Variants in WFDC11 observed in about 807,000 individuals in gnomAD.
WFDC11 encodes the protein protein WFDC11.
WFDC11 carries 9 observed loss-of-function variants against 9.9 expected under a neutral mutation model. That is an observed-to-expected ratio of 0.91 (90% CI 0.55 to 1.58). The LOEUF is 1.58. Ranked by LOEUF, WFDC11 falls within the 40% of genes most tolerant of loss-of-function variation. The pLI is 0.00. For synonymous variants in WFDC11, 32 were observed against 33.3 expected, an observed-to-expected ratio of 0.96 and a Z score of 0.13; for missense variants, 106 against 101.7, an observed-to-expected ratio of 1.04 and a Z score of -0.18.
At chr20:45,657,901 A>C (rs888988225) in intron 2 of WFDC11, among the ~76,000 whole-genome samples, 6 of 152,212 alleles carry the variant, frequency 3.9e-5, no homozygotes, top group African/African-American at 1.4e-4. Context: ...AAGCACATAG[A>C]ACATAGTGAA....
chr20:45,668,621 G>C (rs1344005918), intron 1 of WFDC11, among the ~76,000 whole-genome samples: 3 of 152,056 alleles, frequency 2.0e-5, no homozygotes, highest in Non-Finnish European at 4.4e-5. Flanking sequence ...TGTTAATCTT[G>C]TCAACCTATG....
In WFDC11 at chr20:45,650,573, G is replaced by C. The variant is rs201065798; in HGVS notation, c.28C>G (p.Pro10Ala). Residue 10 changes from proline to alanine, a missense_variant, in exon 3 of 5, where the codon CCC becomes GCC. Transcript: ENST00000324384. The stretch of plus-strand genomic sequence containing the variant: ...GTACAGAAGAATGTCATGAGCATGG[G>C]TATCCAGAGCTTCATGAGGCTGACC... MVSLMKLWI[P>A]MLMTFFCTVL... 6.2e-7 allele frequency: 1 copy of C among 1,614,108 alleles called. No individual in the cohort carries two copies. The highest frequency in any genetic ancestry group is 1.1e-5 in the South Asian group (1 of 91,072).
intron 4 of WFDC11, among the ~76,000 whole-genome samples, 157 bp downstream of exon 4, chr20:45,649,100 C>A (rs995934639): frequency 6.6e-6 from 1 of 152,008 alleles, no homozygotes; most frequent in African/African-American, 2.4e-5. Flanking sequence ...GATTTACTCG[C>A]CAGTGAATTG....
At chr20:45,660,593 G>A (rs1164427264) in intron 2 of WFDC11, among the ~76,000 whole-genome samples, 1 of 152,026 alleles carries the variant, frequency 6.6e-6, no homozygotes, top group Non-Finnish European at 1.5e-5. Flanking sequence ...AGTCCCCAGA[G>A]TGTGATGTTC....
At chr20:45,652,924 G>A (rs1219797857) in intron 2 of WFDC11, among the ~76,000 whole-genome samples, 1 of 152,154 alleles carries the variant, frequency 6.6e-6, no homozygotes, top group Admixed American at 6.5e-5. Context: ...AAGAAATATG[G>A]GACTATGTGA....
intron 2 of WFDC11, among the ~76,000 whole-genome samples, chr20:45,666,545 C>T (rs377658561): frequency 8.5e-5 from 13 of 152,316 alleles, no homozygotes; most frequent in African/African-American, 2.2e-4. Flanking sequence ...TGTTCCTATT[C>T]GGCCATCTTG....
At chr20:45,658,489 T>C (rs1203473831) in intron 2 of WFDC11, among the ~76,000 whole-genome samples, 3 of 152,180 alleles carry the variant, frequency 2.0e-5, no homozygotes, top group African/African-American at 7.2e-5. Context: ...TGTATGTGTG[T>C]AAAGGTGTTC....
At chr20:45,663,850 T>C (rs982145346) in intron 2 of WFDC11, among the ~76,000 whole-genome samples, 2 of 152,232 alleles carry the variant, frequency 1.3e-5, no homozygotes, top group Non-Finnish European at 2.9e-5. Flanking sequence ...CTTCCAATTA[T>C]GTGGTCAATT....
intron 2 of WFDC11, among the ~76,000 whole-genome samples, chr20:45,658,879 C>T (rs1018692190): frequency 2.6e-4 from 39 of 150,802 alleles, no homozygotes; most frequent in Non-Finnish European, 4.7e-4. Flanking sequence ...CCACATCCCC[C>T]GCCGACAGGC....
chr20:45,660,063 T>G (rs1983022558), intron 2 of WFDC11, among the ~76,000 whole-genome samples: 1 of 152,152 alleles, frequency 6.6e-6, no homozygotes, highest in South Asian at 2.1e-4. Flanking sequence ...CTGCTGGGTT[T>G]GGATTTGGTT....
chr20:45,650,604 T>A lies in WFDC11; in HGVS notation c.-4A>T. On this transcript the variant is annotated 5_prime_UTR_variant, in exon 3 of 5. Coordinates refer to ENST00000324384, the MANE Select transcript of WFDC11 (RefSeq NM_147197.2). ...AGAGCTTCATGAGGCTGACCATATG[T>A]GTCTGAATATGTGTTGTCAGAAGGA... 6.2e-7 allele frequency: 1 copy of A among 1,611,116 alleles called. No homozygotes were observed. The highest frequency in any genetic ancestry group is 8.5e-7 in the Non-Finnish European group (1 of 1,177,268).
chr20:45,661,783 G>C (rs569094501), intron 2 of WFDC11, among the ~76,000 whole-genome samples: 1 of 151,476 alleles, frequency 6.6e-6, no homozygotes, highest in East Asian at 1.9e-4. Flanking sequence ...CTATATCTCC[G>C]TTTTGGTACC....
rs773472642 is a variant in WFDC11 at position 45,648,690 on chromosome 20, A to T, written c.*29T>A. The T allele has an allele frequency of 6.2e-7, 1 of 1,613,528 alleles. No individual in the cohort carries two copies. Among genetic ancestry groups the T allele is most frequent in the East Asian group, 2.2e-5 (1 of 44,902 alleles). On this transcript the variant is annotated 3_prime_UTR_variant, in exon 5 of 5. Coordinates refer to ENST00000324384, the MANE Select transcript of WFDC11 (RefSeq NM_147197.2). ...CTCTTAAACATTTCCCAGCCCACAC[A>T]GGTGGCAGCCTGGTGGGAAGCTACG... is the stretch of plus-strand genomic sequence containing the variant.
chr20:45,661,383 T>C (rs1299085394), intron 2 of WFDC11, among the ~76,000 whole-genome samples: 1 of 151,168 alleles, frequency 6.6e-6, no homozygotes, highest in Non-Finnish European at 1.5e-5. Flanking sequence ...TTCACTCTGA[T>C]GGTAGTTTCT....
intron 2 of WFDC11, among the ~76,000 whole-genome samples, chr20:45,654,562 G>A (rs1982880258): frequency 6.6e-6 from 1 of 151,886 alleles, no homozygotes; most frequent in South Asian, 2.1e-4. Context: ...GCTAGCAGAA[G>A]GCAAGAAATA....
chr20:45,667,638 C>A (rs1352133435), intron 1 of WFDC11, among the ~76,000 whole-genome samples: 3 of 152,162 alleles, frequency 2.0e-5, no homozygotes, highest in Admixed American at 2.0e-4. Context: ...TATCACATAA[C>A]ATGTAGATTT....
intron 2 of WFDC11, among the ~76,000 whole-genome samples, chr20:45,664,202 G>T (rs1454938693): frequency 6.6e-6 from 1 of 152,020 alleles, no homozygotes; most frequent in Non-Finnish European, 1.5e-5. Flanking sequence ...TTTGATCTTT[G>T]TTGGTTTAAA....
intron 2 of WFDC11, among the ~76,000 whole-genome samples, chr20:45,664,404 G>T (rs1408102763): frequency 2.0e-5 from 3 of 152,234 alleles, no homozygotes; most frequent in East Asian, 3.9e-4. Flanking sequence ...TTTAATTGGG[G>T]CATTTAGCCC....
intron 2 of WFDC11, among the ~76,000 whole-genome samples, chr20:45,665,254 T>C (rs1388271566): frequency 6.6e-6 from 1 of 152,256 alleles, no homozygotes; most frequent in African/African-American, 2.4e-5. Flanking sequence ...TGCCATGGTT[T>C]TCAGCTCCAT....
Sources: allele counts gnomAD v4.1 joint callset (sites outside exome capture counted in the v4.1 genomes callset), GRCh38; gene constraint gnomAD v4.1.1; transcripts MANE v1.5; gene names NCBI Gene and HGNC (gene_info 2026-07-23, HGNC 2026-07-21).